Variants in MID1 observed in about 807,000 individuals in gnomAD.
MID1 encodes the protein E3 ubiquitin-protein ligase Midline-1.
Under a neutral mutation model 40.4 loss-of-function variants are expected in MID1, and 7 were observed. The observed-to-expected ratio is 0.17, with a 90% CI of 0.10 to 0.33. The LOEUF (loss-of-function observed/expected upper bound fraction) is 0.33. Ranked by LOEUF, MID1 falls within the 10% of genes least tolerant of loss-of-function variation. The pLI is 1.00. For synonymous variants in MID1, 229 were observed against 221.2 expected, an observed-to-expected ratio of 1.04 and a Z score of -0.31; for missense variants, 367 against 558.5, an observed-to-expected ratio of 0.66 and a Z score of 3.46.
intron 1 of MID1, among the ~76,000 whole-genome samples, chrX:10,592,436 T>C (rs1469596389): frequency 2.7e-5 from 3 of 109,903 alleles, no homozygotes; most frequent in African/African-American, 9.9e-5. Flanking sequence ...TGCATTACTT[T>C]AATAAATGGG....
chrX:10,669,239 A>T (rs866469169), intron 1 of MID1, among the ~76,000 whole-genome samples: 32 of 105,261 alleles, frequency 3.0e-4, no homozygotes, highest in South Asian at 8.4e-4. Context: ...ATAAAAAAAA[A>T]AAAAAAAAAA....
At chrX:10,501,539 GA>G (rs1318138623) in intron 3 of MID1, 1 of 1,152,524 alleles carries the variant, frequency 8.7e-7, no homozygotes, top group Admixed American at 2.6e-5. Context: ...CTCTGCCAAT[GA>G]CTTTCTGATC....
intron 1 of MID1, among the ~76,000 whole-genome samples, chrX:10,692,062 G>A (rs2043134506): frequency 8.9e-6 from 1 of 111,806 alleles, no homozygotes; most frequent in African/African-American, 3.3e-5. Flanking sequence ...CCTGTTTCCT[G>A]TTAAGATGTT....
chrX:10,592,732 C>T (rs1935333913), intron 1 of MID1, among the ~76,000 whole-genome samples: 1 of 110,862 alleles, frequency 9.0e-6, no homozygotes, highest in Admixed American at 9.6e-5. Flanking sequence ...CTATGCTAAA[C>T]ACCCTCCAAG....
intron 1 of MID1, among the ~76,000 whole-genome samples, chrX:10,675,975 T>C (rs1483548750): frequency 1.8e-5 from 2 of 112,264 alleles, no homozygotes; most frequent in African/African-American, 6.5e-5. Flanking sequence ...CCTTTCACAG[T>C]GTCTTGAACT....
At chrX:10,637,153 T>A (rs1470087647) in intron 1 of MID1, among the ~76,000 whole-genome samples, 2 of 109,914 alleles carry the variant, frequency 1.8e-5, no homozygotes, top group Non-Finnish European at 3.8e-5. Context: ...GCTCCCTTTC[T>A]ATGAGCATAT....
chrX:10,668,620 C>T (rs1231147336), intron 1 of MID1, among the ~76,000 whole-genome samples: 1 of 112,307 alleles, frequency 8.9e-6, no homozygotes, highest in African/African-American at 3.2e-5. Context: ...AGTAGCTTCA[C>T]GCCTCTGTAC....
intron 1 of MID1, among the ~76,000 whole-genome samples, chrX:10,616,064 C>A (rs1278139215): frequency 8.9e-6 from 1 of 112,005 alleles, no homozygotes; most frequent in African/African-American, 3.2e-5. Context: ...GACTCTGCCT[C>A]GGGCTCCCTG....
rs777252298 is a variant in MID1 at position 10,662,228 on chromosome X, G to A, written c.-186-41809C>T. ...CTGAGGCAGGAGAATCTCTTGAACC[G>A]GGGAGGCGGAGGTTGTGGTGAGCCG... On this transcript the variant is annotated intron_variant, in intron 1 of 10. Transcript: ENST00000380785. 9.1e-5 allele frequency among the ~76,000 whole-genome samples: 10 copies of A among 110,296 alleles called. No homozygotes were observed. In the East Asian group the frequency reaches 1.4e-3, roughly 16 times the overall value.
At chrX:10,600,278 T>C (rs1602457316) in intron 1 of MID1, among the ~76,000 whole-genome samples, 1 of 110,554 alleles carries the variant, frequency 9.0e-6, no homozygotes, top group Non-Finnish European at 1.9e-5. Context: ...CTGAGCAACA[T>C]AGTGAGACCC....
At chrX:10,806,372 C>A (rs2044048140) in intron 1 of MID1, among the ~76,000 whole-genome samples, 1 of 111,759 alleles carries the variant, frequency 8.9e-6, no homozygotes, top group Non-Finnish European at 1.9e-5. Flanking sequence ...GCTATTAGGC[C>A]CAATGGCTTC....
intron 1 of MID1, among the ~76,000 whole-genome samples, chrX:10,802,164 G>A (rs1475148730): frequency 9.0e-6 from 1 of 111,440 alleles, no homozygotes; most frequent in Non-Finnish European, 1.9e-5. Flanking sequence ...CCTGGCGAAA[G>A]AGCAAGACTC....
chrX:10,506,450 T>C (rs755592592), intron 3 of MID1: 13 of 612,535 alleles, frequency 2.1e-5, no homozygotes, highest in Middle Eastern at 5.9e-4. Context: ...ATTAACCCCA[T>C]TGGGCAACTC....
chrX:10,535,011 A>G (rs74383045), intron 2 of MID1, among the ~76,000 whole-genome samples: 1 of 112,164 alleles, frequency 8.9e-6, no homozygotes, highest in Admixed American at 9.5e-5. Flanking sequence ...CATTTCCTCA[A>G]CCTTTAGTAG....
At chrX:10,481,768 A>G (rs1602283143) in intron 5 of MID1, among the ~76,000 whole-genome samples, 1 of 112,461 alleles carries the variant, frequency 8.9e-6, no homozygotes, top group East Asian at 2.8e-4. Flanking sequence ...TGGATCCACT[A>G]GAATTGCTAT....
chrX:10,824,491 A>T (rs2044201303), intron 1 of MID1, among the ~76,000 whole-genome samples: 1 of 111,508 alleles, frequency 9.0e-6, no homozygotes, highest in Admixed American at 9.6e-5. Context: ...TTGCACTGTG[A>T]CTCCAAAAAC....
intron 1 of MID1, among the ~76,000 whole-genome samples, chrX:10,817,282 T>C (rs922987815): frequency 8.9e-6 from 1 of 112,215 alleles, no homozygotes; most frequent in African/African-American, 3.2e-5. Flanking sequence ...TCCTCAGTGG[T>C]CTTAGTTATA....
At chrX:10,609,741 T>G (rs1310335972) in intron 1 of MID1, among the ~76,000 whole-genome samples, 3 of 96,795 alleles carry the variant, frequency 3.1e-5, no homozygotes, top group Non-Finnish European at 4.1e-5. Context: ...TTTTTGAGAC[T>G]GAGTCTCGCA....
At chrX:10,450,630 CCAGAAATTGTG>C (rs1310818063) in intron 9 of MID1, among the ~76,000 whole-genome samples, 1 of 112,090 alleles carries the variant, frequency 8.9e-6, no homozygotes, top group Non-Finnish European at 1.9e-5. Context: ...CCATCCGTAA[CCAGAAATTGTG>C]CAGTTCATCA....
Sources: gnomAD v4.1 joint callset for allele counts (sites outside exome capture counted in the v4.1 genomes callset) on GRCh38, gnomAD v4.1.1 for gene constraint, MANE v1.5 for transcripts, NCBI Gene and HGNC (gene_info 2026-07-23, HGNC 2026-07-21) for gene names.